The following AFF3 variants were observed in gnomAD, a reference collection of about 807,000 sequenced individuals.
AFF3 encodes ALF transcription elongation factor 3.
Under a neutral mutation model 129.7 loss-of-function variants are expected in AFF3, and 32 were observed. That is an observed-to-expected ratio of 0.25 (90% confidence interval 0.19 to 0.33). The LOEUF is 0.33. Ranked by LOEUF, AFF3 falls within the 10% of genes least tolerant of loss-of-function variation. AFF3 has a pLI of 1.00. For synonymous variants in AFF3, 644 were observed against 635.4 expected (o/e 1.01, Z -0.20); for missense variants, 1,373 against 1,592.0 (o/e 0.86, Z 2.34).
chr2:100,115,960 G>A (rs191525052), intron 2 of AFF3, among the ~76,000 whole-genome samples: 73 of 151,920 alleles, frequency 4.8e-4, no homozygotes, highest in African/African-American at 1.6e-3. Flanking sequence ...ATAATTGAAG[G>A]TTTTTAAAAT....
intron 7 of AFF3, among the ~76,000 whole-genome samples, chr2:99,953,677 T>C (rs888159629): frequency 6.6e-6 from 1 of 152,196 alleles, no homozygotes; most frequent in Non-Finnish European, 1.5e-5. Context: ...TGGGGCTCTG[T>C]TTTATATAGA....
intron 4 of AFF3, among the ~76,000 whole-genome samples, chr2:100,050,420 C>T (rs75497746): frequency 0.013 from 1,961 of 152,070 alleles, 49 homozygotes; most frequent in African/African-American, 0.045. Flanking sequence ...AGCTCACTGC[C>T]GTCTTGCAGT....
At chr2:100,060,256 G>A (rs939783840) in intron 4 of AFF3, among the ~76,000 whole-genome samples, 8 of 152,188 alleles carry the variant, frequency 5.3e-5, no homozygotes, top group Admixed American at 1.3e-4. Flanking sequence ...TGTAGCCTAT[G>A]CCAGATAAGC....
chr2:99,701,923 C>T (rs1282250286), intron 11 of AFF3, among the ~76,000 whole-genome samples: 1 of 152,174 alleles, frequency 6.6e-6, no homozygotes, highest in Non-Finnish European at 1.5e-5. Flanking sequence ...AGTATCTATC[C>T]TTTTGAAATT....
At chr2:100,018,140 C>T (rs1011388233) in intron 4 of AFF3, among the ~76,000 whole-genome samples, 1 of 152,044 alleles carries the variant, frequency 6.6e-6, no homozygotes, top group African/African-American at 2.4e-5. Context: ...ATACTCTAGT[C>T]CCTACATTTT....
chr2:99,918,046 C>G (rs551679828), intron 7 of AFF3, among the ~76,000 whole-genome samples: 1 of 152,096 alleles, frequency 6.6e-6, no homozygotes, highest in East Asian at 1.9e-4. Context: ...AAAAACCTTG[C>G]TTTTTTCTTT....
At chr2:99,604,112 C>T (rs1558633979) in intron 13 of AFF3, among the ~76,000 whole-genome samples, 1 of 152,114 alleles carries the variant, frequency 6.6e-6, no homozygotes, top group Non-Finnish European at 1.5e-5. Context: ...CCCAGCAATC[C>T]CATTACTGGG....
At chr2:99,997,279 A>C (rs1420592617) in intron 7 of AFF3, among the ~76,000 whole-genome samples, 1 of 152,094 alleles carries the variant, frequency 6.6e-6, no homozygotes, top group Non-Finnish European at 1.5e-5. Flanking sequence ...TCTTGCCCCC[A>C]AAACCTGCCT....
At chr2:99,621,138 T>G (rs567739284) in intron 13 of AFF3, among the ~76,000 whole-genome samples, 18 of 152,244 alleles carry the variant, frequency 1.2e-4, no homozygotes, top group African/African-American at 3.4e-4. Flanking sequence ...ATTTCTATTT[T>G]AATTCTTTCT....
At chr2:100,068,776 G>C (rs1559102692) in intron 4 of AFF3, among the ~76,000 whole-genome samples, 1 of 152,100 alleles carries the variant, frequency 6.6e-6, no homozygotes, top group Non-Finnish European at 1.5e-5. Flanking sequence ...CATTAGTAAA[G>C]ATGATGGACA....
At chr2:99,888,963 G>C (rs749888582) in intron 7 of AFF3, among the ~76,000 whole-genome samples, 1 of 152,148 alleles carries the variant, frequency 6.6e-6, no homozygotes, top group Non-Finnish European at 1.5e-5. Context: ...TCAAGTGGTG[G>C]ACGGAAGAAT....
chr2:99,582,745 G>T, intron 17 of AFF3, 53 bp downstream of exon 17: 2 of 1,577,778 alleles, frequency 1.3e-6, no homozygotes, highest in South Asian at 1.1e-5. Flanking sequence ...CAGAGCTTGG[G>T]GGTGCTCAAT....
chr2:99,651,705 G>T (rs1023200680), intron 12 of AFF3, among the ~76,000 whole-genome samples: 20 of 152,210 alleles, frequency 1.3e-4, no homozygotes, highest in African/African-American at 4.8e-4. Context: ...GCCCCTCAAA[G>T]TGTTGGGATT....
At chr2:99,816,410 T>C (rs1687237416) in intron 8 of AFF3, among the ~76,000 whole-genome samples, 1 of 152,186 alleles carries the variant, frequency 6.6e-6, no homozygotes, top group South Asian at 2.1e-4. Context: ...GTCTTGTAAT[T>C]TTTTGTTGAA....
intron 13 of AFF3, among the ~76,000 whole-genome samples, chr2:99,619,277 C>T (rs1159613847): frequency 6.6e-6 from 1 of 152,192 alleles, no homozygotes; most frequent in Non-Finnish European, 1.5e-5. Flanking sequence ...TTGCATCTCA[C>T]CAAGGAATAC....
chr2:99,738,832 C>A (rs1680469044), intron 10 of AFF3, among the ~76,000 whole-genome samples: 1 of 152,014 alleles, frequency 6.6e-6, no homozygotes, highest in African/African-American at 2.4e-5. Flanking sequence ...CCACCCACTC[C>A]TCTAAGAAAA....
At chr2:99,565,394 AT>A (rs1386125925) in intron 20 of AFF3, 92 bp downstream of exon 20, 1 of 1,507,140 alleles carries the variant, frequency 6.6e-7, no homozygotes, top group Non-Finnish European at 9.0e-7. Flanking sequence ...CTGGTGGGGG[AT>A]GGTGCAGGCT....
chr2:99,626,364 TTTCCTCCCTTCCTTCCTCCCTCCCTTC>T (rs1682553833), intron 13 of AFF3, among the ~76,000 whole-genome samples: 1 of 138,212 alleles, frequency 7.2e-6, no homozygotes, highest in Admixed American at 7.1e-5. Flanking sequence ...TTCCTTCCTC[TTTCCTCCCTTCCTTCCTCCCTCCCTTC>T]TTCCTCCCTT....
At chr2:99,586,208 T>C (rs1049658486) in intron 16 of AFF3, among the ~76,000 whole-genome samples, 1 of 152,220 alleles carries the variant, frequency 6.6e-6, no homozygotes, top group African/African-American at 2.4e-5. Context: ...CCATTTCCCC[T>C]TTCCCAATAT....
Sources: gnomAD v4.1 joint callset for allele counts (sites outside exome capture counted in the v4.1 genomes callset) on GRCh38, gnomAD v4.1.1 for gene constraint, MANE v1.5 for transcripts, NCBI Gene and HGNC (gene_info 2026-07-23, HGNC 2026-07-21) for gene names.